Variants in ADAMTS6 observed in about 807,000 individuals in gnomAD.
ADAMTS6 encodes the protein A disintegrin and metalloproteinase with thrombospondin motifs 6.
A neutral mutation model predicts 144.3 loss-of-function variants in ADAMTS6; 23 were observed. The observed-to-expected ratio is 0.16, with a 90% CI of 0.11 to 0.23. The LOEUF (loss-of-function observed/expected upper bound fraction) is 0.23, where lower values mean the gene tolerates loss of function less well. Ranked by LOEUF, ADAMTS6 falls within the 10% of genes least tolerant of loss-of-function variation. The pLI is 1.00. For missense variants in ADAMTS6, 999 were observed against 1,379.6 expected (o/e 0.72, Z 4.37); for synonymous variants, 444 against 457.5 (o/e 0.97, Z 0.38).
intron 7 of ADAMTS6, among the ~76,000 whole-genome samples, chr5:65,348,921 G>A (rs1748596782): frequency 6.6e-6 from 1 of 151,874 alleles, no homozygotes; most frequent in Non-Finnish European, 1.5e-5. Context: ...ATAAAAAATT[G>A]ATCAGTCCAT....
At chr5:65,435,749 C>T (rs930042962) in intron 7 of ADAMTS6, among the ~76,000 whole-genome samples, 4 of 151,954 alleles carry the variant, frequency 2.6e-5, no homozygotes, top group African/African-American at 9.7e-5. Context: ...CCTCAGCCTC[C>T]CGAGTAGCTG....
chr5:65,282,812 G>A (rs184558475), intron 11 of ADAMTS6, among the ~76,000 whole-genome samples: 25 of 152,066 alleles, frequency 1.6e-4, no homozygotes, highest in Non-Finnish European at 1.0e-4. Context: ...CCTTCCCATC[G>A]TGGCCTCAAC....
At chr5:65,330,530 T>C (rs1746610911) in intron 8 of ADAMTS6, among the ~76,000 whole-genome samples, 1 of 152,070 alleles carries the variant, frequency 6.6e-6, no homozygotes. Flanking sequence ...ATTCAATGAA[T>C]ATTTATTGAA....
intron 7 of ADAMTS6, among the ~76,000 whole-genome samples, chr5:65,448,829 C>G (rs1025319014): frequency 3.3e-5 from 5 of 152,096 alleles, no homozygotes; most frequent in Non-Finnish European, 7.4e-5. Flanking sequence ...CATGATCTTA[C>G]CCATAAACAG....
intron 7 of ADAMTS6, among the ~76,000 whole-genome samples, chr5:65,445,048 A>G (rs1186779108): frequency 1.3e-5 from 2 of 152,218 alleles, no homozygotes; most frequent in Non-Finnish European, 2.9e-5. Flanking sequence ...AAACCAATAT[A>G]AATACTTAAG....
rs1160054189 is a variant in ADAMTS6, at chr5:65,374,716, A to C, written c.1074-40631T>G. Among the ~76,000 whole-genome samples, 5 of 152,364 alleles carry C rather than the reference A, an allele frequency of 3.3e-5. No individual in the cohort carries two copies. The East Asian group carries it at 7.7e-4, about 23-fold the overall frequency. On this transcript the variant is annotated intron_variant, in intron 7 of 24. Coordinates refer to ENST00000381055, the MANE Select transcript of ADAMTS6 (RefSeq NM_197941.4). ...AATTTACAGATTCAATGCCATCCCC[A>C]TCAAGCTACCAATGACTTTCTTCAC...
At chr5:65,297,382 C>T in intron 10 of ADAMTS6, 1 of 369,974 alleles carries the variant, frequency 2.7e-6, no homozygotes, top group East Asian at 7.6e-5. Context: ...AATTGTGAAT[C>T]TCTATAAATC....
At chr5:65,406,120 T>G (rs1171403701) in intron 7 of ADAMTS6, among the ~76,000 whole-genome samples, 1 of 152,206 alleles carries the variant, frequency 6.6e-6, no homozygotes, top group Non-Finnish European at 1.5e-5. Flanking sequence ...CCTCTTTTCC[T>G]AATTGAATAC....
chr5:65,195,166 G>C (rs966662455), intron 21 of ADAMTS6, among the ~76,000 whole-genome samples: 1 of 152,158 alleles, frequency 6.6e-6, no homozygotes, highest in Admixed American at 6.5e-5. Context: ...GAAGTTACTG[G>C]AAACATAGAA....
intron 10 of ADAMTS6, among the ~76,000 whole-genome samples, chr5:65,293,781 T>C (rs1157680746): frequency 6.6e-6 from 1 of 152,156 alleles, no homozygotes; most frequent in East Asian, 1.9e-4. Context: ...AAAACTCTTC[T>C]AAGAAAGTTT....
intron 7 of ADAMTS6, among the ~76,000 whole-genome samples, chr5:65,405,536 T>C (rs528371318): frequency 1.3e-5 from 2 of 152,350 alleles, no homozygotes; most frequent in South Asian, 4.1e-4. Context: ...CCATGCTGTG[T>C]TGGTTACTGT....
chr5:65,300,277 T>A, intron 9 of ADAMTS6, 146 bp from the exon 10 acceptor site: 1 of 678,818 alleles, frequency 1.5e-6, no homozygotes, highest in Non-Finnish European at 2.4e-6. Context: ...AATTTAGGAT[T>A]AAAATTAAAG....
At chr5:65,402,766 C>T (rs1008317138) in intron 7 of ADAMTS6, among the ~76,000 whole-genome samples, 1 of 151,984 alleles carries the variant, frequency 6.6e-6, no homozygotes, top group East Asian at 1.9e-4. Context: ...TGTTTTCCCC[C>T]GTCTCTCCTA....
chr5:65,359,620 C>A (rs1395082827), intron 7 of ADAMTS6, among the ~76,000 whole-genome samples: 1 of 152,114 alleles, frequency 6.6e-6, no homozygotes. Context: ...GCCTAATTGT[C>A]TATCTATGAT....
At chr5:65,394,196 T>G (rs1038270066) in intron 7 of ADAMTS6, among the ~76,000 whole-genome samples, 2 of 152,170 alleles carry the variant, frequency 1.3e-5, no homozygotes, top group Non-Finnish European at 2.9e-5. Context: ...TTGTTTCTCT[T>G]GCAACACTGG....
intron 21 of ADAMTS6, 100 bp downstream of exon 21, chr5:65,196,922 A>T (rs993021498): frequency 1.4e-6 from 2 of 1,399,444 alleles, no homozygotes; most frequent in East Asian, 4.8e-5. Flanking sequence ...TTTTCAGCCT[A>T]ATTTATTCTC....
chr5:65,374,688 C>T (rs59401729), intron 7 of ADAMTS6, among the ~76,000 whole-genome samples: 18,650 of 152,078 alleles, frequency 0.12, 1,297 homozygotes, highest in African/African-American at 0.19. Context: ...TACTGCCCAA[C>T]GTAATTTACA....
At chr5:65,472,494 G>A (rs923683171) in intron 2 of ADAMTS6, among the ~76,000 whole-genome samples, 3 of 152,158 alleles carry the variant, frequency 2.0e-5, no homozygotes, top group African/African-American at 7.2e-5. Context: ...TATGGTATGT[G>A]TAGTAATATC....
intron 11 of ADAMTS6, among the ~76,000 whole-genome samples, chr5:65,285,315 C>T (rs1340760096): frequency 1.3e-5 from 2 of 152,104 alleles, no homozygotes; most frequent in Non-Finnish European, 2.9e-5. Flanking sequence ...CTTTCTCTCA[C>T]CTCTTCAAAT....
Sources: allele counts gnomAD v4.1 joint callset (sites outside exome capture counted in the v4.1 genomes callset), GRCh38; gene constraint gnomAD v4.1.1; transcripts MANE v1.5; gene names NCBI Gene and HGNC (gene_info 2026-07-23, HGNC 2026-07-21).